The following CDH4 variants were observed in gnomAD, a reference collection of about 807,000 sequenced individuals.
CDH4 encodes the protein cadherin-4.
Under a neutral mutation model 86.0 loss-of-function variants are expected in CDH4, and 33 were observed. The observed-to-expected ratio is 0.38, with a 90% CI of 0.29 to 0.51. CDH4 has a LOEUF of 0.51. Ranked by LOEUF, CDH4 falls within the 20% of genes least tolerant of loss-of-function variation. The pLI, the probability that CDH4 is intolerant of heterozygous loss-of-function variation, is 0.86. For synonymous variants in CDH4, 555 were observed against 549.4 expected (o/e 1.01, Z -0.14); for missense variants, 1,114 against 1,307.4 (o/e 0.85, Z 2.28).
intron 2 of CDH4, among the ~76,000 whole-genome samples, chr20:61,365,442 C>T (rs546372239): frequency 2.0e-5 from 3 of 152,088 alleles, no homozygotes; most frequent in African/African-American, 4.8e-5. Context: ...AAGGGTCAGA[C>T]GGGTGATGAG....
chr20:61,696,261 C>T (rs750758318), intron 2 of CDH4, among the ~76,000 whole-genome samples: 3 of 152,238 alleles, frequency 2.0e-5, no homozygotes, highest in African/African-American at 4.8e-5. Context: ...GACTCGGGCA[C>T]AGAAGGAAGC....
In CDH4 at chr20:61,703,581, C is replaced by CCTTCCCCGTCGCACCT. The variant is rs2087799011; in HGVS notation, c.170-39972_170-39957dup. Among the ~76,000 whole-genome samples, 8 of 152,294 alleles carry CCTTCCCCGTCGCACCT rather than the reference C, an allele frequency of 5.3e-5. No individual in the cohort carries two copies. In the South Asian group the frequency reaches 1.7e-3, roughly 32 times the overall value. The stretch of plus-strand genomic sequence containing the variant: ...AAGCTCCTCGTCCCCAGCTTGTGTC[C>CCTTCCCCGTCGCACCT]CTTCCCCGTCGCACCTCTTCCCCGT... On this transcript the variant is annotated intron_variant, in intron 2 of 15. Transcript: ENST00000614565. This position sits in a 1 kb window ranked among gnomAD's most constrained non-coding sequence, Gnocchi z 4.3.
intron 2 of CDH4, among the ~76,000 whole-genome samples, chr20:61,652,934 ATTTATT>A (rs2087138192): frequency 9.7e-6 from 1 of 103,026 alleles, no homozygotes; most frequent in Non-Finnish European, 2.2e-5. Flanking sequence ...TTATTTATTT[ATTTATT>A]TTTTTTTTTT....
At chr20:61,726,791 C>T (rs1375203315) in intron 2 of CDH4, among the ~76,000 whole-genome samples, 1 of 147,454 alleles carries the variant, frequency 6.8e-6, no homozygotes, top group Admixed American at 6.8e-5. Context: ...ATCATCGTCA[C>T]CATTGGTGCC....
chr20:61,750,635 A>G (rs1486891718), intron 3 of CDH4, among the ~76,000 whole-genome samples: 1 of 152,246 alleles, frequency 6.6e-6, no homozygotes. Context: ...GAGGATACAC[A>G]CACTGGAGGT....
At chr20:61,487,909 T>A (rs1411019128) in intron 2 of CDH4, among the ~76,000 whole-genome samples, 1 of 152,184 alleles carries the variant, frequency 6.6e-6, no homozygotes, top group African/African-American at 2.4e-5. Flanking sequence ...AAATACAAAC[T>A]GAGGTCAGCT....
At chr20:61,903,966 GC>G (rs1171415024) in intron 8 of CDH4, among the ~76,000 whole-genome samples, 61 of 152,320 alleles carry the variant, frequency 4.0e-4, no homozygotes, top group Admixed American at 1.1e-3. Context: ...CTCTGCTGCT[GC>G]CCGCTGCCAG....
At chr20:61,646,340 C>T (rs1048467776) in intron 2 of CDH4, among the ~76,000 whole-genome samples, 4 of 152,172 alleles carry the variant, frequency 2.6e-5, no homozygotes, top group Non-Finnish European at 5.9e-5. Context: ...CGCACCTGCT[C>T]AGCATCCCTG....
At chr20:61,329,952 C>T (rs1300034380) in intron 2 of CDH4, among the ~76,000 whole-genome samples, 1 of 148,772 alleles carries the variant, frequency 6.7e-6, no homozygotes, top group African/African-American at 2.5e-5. Flanking sequence ...GTTTTCTGTT[C>T]CTGTGTTAGT....
chr20:61,784,485 A>G (rs111662477), intron 4 of CDH4, among the ~76,000 whole-genome samples: 6 of 66,042 alleles, frequency 9.1e-5, no homozygotes, highest in Admixed American at 1.5e-4. Flanking sequence ...GCCCTCCGAT[A>G]TCCTGTGCCC....
At chr20:61,261,515 G>T (rs1029698485) in intron 2 of CDH4, among the ~76,000 whole-genome samples, 2 of 152,222 alleles carry the variant, frequency 1.3e-5, no homozygotes, top group African/African-American at 4.8e-5. Context: ...TTTCACAAAA[G>T]CCCTTCCAGG....
intron 2 of CDH4, among the ~76,000 whole-genome samples, chr20:61,382,833 A>G (rs2084911769): frequency 6.6e-6 from 1 of 151,958 alleles, no homozygotes; most frequent in African/African-American, 2.4e-5. Context: ...TAAGTCCAGA[A>G]TGATCTCATC....
chr20:61,472,827 G>T (rs1291491499), intron 2 of CDH4, among the ~76,000 whole-genome samples: 1 of 152,010 alleles, frequency 6.6e-6, no homozygotes, highest in Non-Finnish European at 1.5e-5. Flanking sequence ...TTTTACACAG[G>T]CCTGCTTTTT....
intron 2 of CDH4, among the ~76,000 whole-genome samples, chr20:61,329,477 T>TGTGCTGCGGTG (rs1555837324): frequency 2.8e-4 from 42 of 152,106 alleles, no homozygotes; most frequent in African/African-American, 4.1e-4. Flanking sequence ...GAGGTGGCTG[T>TGTGCTGCGGTG]GAGTGGCTCT....
At chr20:61,850,892 C>G (rs1229987273) in intron 5 of CDH4, among the ~76,000 whole-genome samples, 1 of 152,260 alleles carries the variant, frequency 6.6e-6, no homozygotes, top group East Asian at 1.9e-4. Flanking sequence ...GGACACAGGC[C>G]ACGGGCAGAG....
At chr20:61,849,326 G>A (rs1044561708) in intron 5 of CDH4, among the ~76,000 whole-genome samples, 1 of 152,204 alleles carries the variant, frequency 6.6e-6, no homozygotes, top group Admixed American at 6.5e-5. Context: ...GGTCTTTGGG[G>A]GCAGCTGTGC....
intron 2 of CDH4, among the ~76,000 whole-genome samples, chr20:61,563,653 G>A (rs542806073): frequency 1.3e-5 from 2 of 152,254 alleles, no homozygotes; most frequent in South Asian, 2.1e-4. Context: ...ATGGGTCCTC[G>A]CTAGGCCACC....
Position 61,651,529 on chromosome 20 carries a change from G to A in CDH4, c.170-92034G>A, listed in dbSNP as rs143669100. On this transcript the variant is annotated intron_variant, in intron 2 of 15. Transcript: ENST00000614565. ...CGGTCAGCCCCCGCCTGGAGGCCAC[G>A]GGGCGCCCTGAGCAGTGTGTGGGTT... is the stretch of plus-strand genomic sequence containing the variant. Among the ~76,000 whole-genome samples the A allele has an allele frequency of 7.6e-4, 116 of 152,234 alleles. 1 individual carries two copies. In the Middle Eastern group the frequency reaches 0.014, roughly 18 times the overall value.
intron 2 of CDH4, among the ~76,000 whole-genome samples, chr20:61,441,292 G>A (rs999130126): frequency 6.6e-6 from 1 of 152,204 alleles, no homozygotes; most frequent in Non-Finnish European, 1.5e-5. Flanking sequence ...AAAGGAAGCG[G>A]AAGGAGCATC....
Sources: allele counts gnomAD v4.1 joint callset (sites outside exome capture counted in the v4.1 genomes callset), GRCh38; gene constraint gnomAD v4.1.1; non-coding constraint Gnocchi (gnomAD v3.1); transcripts MANE v1.5; gene names NCBI Gene and HGNC (gene_info 2026-07-23, HGNC 2026-07-21).